The following KCNH8 variants were observed in gnomAD, a reference collection of about 807,000 sequenced individuals.
KCNH8 encodes voltage-gated delayed rectifier potassium channel KCNH8.
A neutral mutation model predicts 103.6 loss-of-function variants in KCNH8; 70 were observed. That is an observed-to-expected ratio of 0.68 (90% CI 0.56 to 0.82). The LOEUF is 0.82. KCNH8 is among the 40% of genes least tolerant of loss of function. The pLI, the probability that KCNH8 is intolerant of heterozygous loss-of-function variation, is 0.00. For missense variants in KCNH8, 1,217 were observed against 1,329.9 expected (o/e 0.92, Z 1.32); for synonymous variants, 498 against 489.4 (o/e 1.02, Z -0.23).
chr3:19,184,114 C>T lies in KCNH8; in HGVS notation c.76+35319C>T, dbSNP rs554327960. The stretch of plus-strand genomic sequence containing the variant: ...TCTAGAAAACCATCCACTACAAGTA[C>T]ACAAGAAGATATGTTCAGAGTGCTT... On this transcript the variant is annotated intron_variant, in intron 1 of 15. Transcript: ENST00000328405. 4.6e-5 allele frequency among the ~76,000 whole-genome samples: 7 copies of T among 152,148 alleles called. No homozygotes were observed. In the South Asian group the frequency reaches 1.0e-3, roughly 23 times the overall value.
chr3:19,271,240 G>T (rs889295308), intron 2 of KCNH8, among the ~76,000 whole-genome samples: 3 of 152,000 alleles, frequency 2.0e-5, no homozygotes, highest in East Asian at 1.9e-4. Context: ...TAGCATTTTT[G>T]ACTTCAGTTT....
At position 19,496,434 on chromosome 3, in the gene KCNH8, T is replaced by A. The variant is rs536145066; in HGVS notation, c.2041-13929T>A. Among the ~76,000 whole-genome samples, 9 of 152,330 alleles carry A rather than the reference T, an allele frequency of 5.9e-5. No individual in the cohort carries two copies. In the South Asian group the frequency reaches 1.4e-3, roughly 25 times the overall value. ...GTTGAATTTTATCAAAAGACTTTTC[T>A]GCATCTATTGAGATAATCATGGGTT... On this transcript the variant is annotated intron_variant, in intron 11 of 15. Coordinates refer to ENST00000328405, the MANE Select transcript of KCNH8 (RefSeq NM_144633.3).
intron 11 of KCNH8, among the ~76,000 whole-genome samples, chr3:19,473,208 C>G (rs905370914): frequency 1.3e-5 from 2 of 152,214 alleles, no homozygotes; most frequent in Non-Finnish European, 2.9e-5. Context: ...ATGGGTTAGT[C>G]TTCTTCTGAT....
At chr3:19,483,091 A>G (rs1388565718) in intron 11 of KCNH8, among the ~76,000 whole-genome samples, 1 of 151,948 alleles carries the variant, frequency 6.6e-6, no homozygotes, top group Non-Finnish European at 1.5e-5. Context: ...AAGCATAGAC[A>G]GGGAAGCTAG....
chr3:19,513,685 T>C (rs562088212), intron 13 of KCNH8, among the ~76,000 whole-genome samples: 47 of 152,298 alleles, frequency 3.1e-4, no homozygotes, highest in Middle Eastern at 3.4e-3. Flanking sequence ...ATGCTTGATC[T>C]TACCAAAAGT....
intron 1 of KCNH8, among the ~76,000 whole-genome samples, chr3:19,227,953 T>G (rs138541718): frequency 1.3e-3 from 200 of 152,306 alleles, no homozygotes; most frequent in African/African-American, 3.8e-3. Flanking sequence ...TTTCATGTAT[T>G]CCTCACTGAG....
intron 5 of KCNH8, among the ~76,000 whole-genome samples, chr3:19,369,035 A>G (rs1216112934): frequency 6.6e-6 from 1 of 152,052 alleles, no homozygotes; most frequent in Non-Finnish European, 1.5e-5. Flanking sequence ...ATTGCATGAT[A>G]ATATTCGTCT....
intron 1 of KCNH8, among the ~76,000 whole-genome samples, chr3:19,214,095 G>A (rs1338486889): frequency 6.6e-6 from 1 of 152,144 alleles, no homozygotes; most frequent in Non-Finnish European, 1.5e-5. Flanking sequence ...GAGGGTGATG[G>A]CCTATTGCTG....
intron 2 of KCNH8, among the ~76,000 whole-genome samples, chr3:19,254,561 G>T (rs1223690999): frequency 6.6e-6 from 1 of 152,048 alleles, no homozygotes; most frequent in Non-Finnish European, 1.5e-5. Flanking sequence ...GGTGTGTAAG[G>T]TGTCCTCAGT....
chr3:19,300,749 A>G (rs918171097), intron 3 of KCNH8, among the ~76,000 whole-genome samples: 11 of 151,958 alleles, frequency 7.2e-5, no homozygotes, highest in African/African-American at 1.4e-4. Flanking sequence ...TTTTAAATTT[A>G]TAGGCATTTA....
intron 3 of KCNH8, 61 bp downstream of exon 3, chr3:19,281,390 A>C: frequency 6.8e-7 from 1 of 1,477,124 alleles, no homozygotes; most frequent in Non-Finnish European, 9.1e-7. Flanking sequence ...TGTTTACTTA[A>C]AAACTCTTGG....
chr3:19,430,851 C>G (rs573392760), intron 7 of KCNH8, among the ~76,000 whole-genome samples: 1 of 152,228 alleles, frequency 6.6e-6, no homozygotes, highest in East Asian at 1.9e-4. Flanking sequence ...TGAGGCTTTG[C>G]TGAAGTTGTG....
At chr3:19,456,729 C>G in intron 10 of KCNH8, 39 bp from the exon 11 acceptor site, 1 of 1,107,838 alleles carries the variant, frequency 9.0e-7, no homozygotes, top group Non-Finnish European at 1.3e-6. Flanking sequence ...CCTAAGCTTG[C>G]TTTTTTTTTT....
intron 1 of KCNH8, among the ~76,000 whole-genome samples, chr3:19,182,079 A>C (rs1229663407): frequency 6.6e-6 from 1 of 152,186 alleles, no homozygotes; most frequent in Non-Finnish European, 1.5e-5. Context: ...CTGTTCTTTT[A>C]TATACTATAC....
chr3:19,501,916 T>A (rs1356752051), intron 11 of KCNH8, among the ~76,000 whole-genome samples: 1 of 152,170 alleles, frequency 6.6e-6, no homozygotes, highest in Non-Finnish European at 1.5e-5. Context: ...GTGTTGGAAG[T>A]TCTGGCCAGG....
Position 19,284,869 on chromosome 3 carries a change from T to TA in KCNH8, c.442+3552dup, listed in dbSNP as rs1263075004. On this transcript the variant is annotated intron_variant, in intron 3 of 15. Coordinates refer to ENST00000328405, the MANE Select transcript of KCNH8 (RefSeq NM_144633.3). ...CTGGCAGTTAAATATGTCCTTTTTA[T>TA]AAAAAAAAAAAAGAAAAGGAAAGAA... 8.7e-3 allele frequency among the ~76,000 whole-genome samples: 841 copies of TA among 96,436 alleles called. 7 individuals carry two copies. The highest frequency in any genetic ancestry group is 0.023 in the African/African-American group (647 of 28,704). 63.3% of individuals were successfully genotyped at this position (96,436 alleles called of 152,430 possible).
At chr3:19,178,895 C>A (rs1238481992) in intron 1 of KCNH8, among the ~76,000 whole-genome samples, 1 of 152,048 alleles carries the variant, frequency 6.6e-6, no homozygotes, top group Non-Finnish European at 1.5e-5. Context: ...ACTCCTGAGG[C>A]AGGAGGCTGT....
At chr3:19,417,587 CA>C (rs1238639061) in intron 7 of KCNH8, among the ~76,000 whole-genome samples, 1 of 151,980 alleles carries the variant, frequency 6.6e-6, no homozygotes, top group Non-Finnish European at 1.5e-5. Context: ...TTCAATCCTT[CA>C]AACAGAATTT....
intron 1 of KCNH8, among the ~76,000 whole-genome samples, chr3:19,183,764 T>A (rs1020594722): frequency 1.3e-5 from 2 of 152,240 alleles, no homozygotes; most frequent in African/African-American, 4.8e-5. Flanking sequence ...AACTTGTGGT[T>A]AGTCTAAAAG....
Sources: gnomAD v4.1 joint callset for allele counts (sites outside exome capture counted in the v4.1 genomes callset) on GRCh38, gnomAD v4.1.1 for gene constraint, MANE v1.5 for transcripts, NCBI Gene and HGNC (gene_info 2026-07-23, HGNC 2026-07-21) for gene names.